SLC24A2: variants seen among roughly 807,000 people sequenced by gnomAD.
SLC24A2 encodes the protein sodium/potassium/calcium exchanger 2.
A neutral mutation model predicts 62.0 loss-of-function variants in SLC24A2; 36 were observed. That is an observed-to-expected ratio of 0.58 (90% CI 0.44 to 0.77). The LOEUF is 0.77. SLC24A2 is among the 30% of genes least tolerant of loss of function. The pLI, the probability that SLC24A2 is intolerant of heterozygous loss-of-function variation, is 0.00. For synonymous variants in SLC24A2, 358 were observed against 294.0 expected, an observed-to-expected ratio of 1.22 and a Z score of -2.23; for missense variants, 846 against 817.9, an observed-to-expected ratio of 1.03 and a Z score of -0.42.
chr9:20,303,775 G>A, the SLC24A2 span, among the ~76,000 whole-genome samples: 2 of 152,250 alleles, frequency 1.3e-5, no homozygotes, highest in African/African-American at 4.8e-5. Context: ...TAGAGACACA[G>A]GCAATGCTTT....
At chr9:19,832,791 G>C in the SLC24A2 span, among the ~76,000 whole-genome samples, 2 of 152,116 alleles carry the variant, frequency 1.3e-5, no homozygotes, top group South Asian at 2.1e-4. Context: ...ACTACCATCA[G>C]AGTGAACAGG....
At chr9:20,011,951 C>T in the SLC24A2 span, among the ~76,000 whole-genome samples, 2 of 152,084 alleles carry the variant, frequency 1.3e-5, no homozygotes, top group Admixed American at 1.3e-4. Flanking sequence ...ATATGATCAC[C>T]TCAATAGATG....
At chr9:19,831,249 G>C in the SLC24A2 span, among the ~76,000 whole-genome samples, 1 of 152,160 alleles carries the variant, frequency 6.6e-6, no homozygotes, top group African/African-American at 2.4e-5. Context: ...CTGGTCACTA[G>C]CTAGATTAAG....
intron 9 of SLC24A2, among the ~76,000 whole-genome samples, chr9:19,523,330 C>G (rs2132644113): frequency 6.6e-6 from 1 of 152,296 alleles, no homozygotes; most frequent in South Asian, 2.1e-4. Context: ...TTCCCTGAGT[C>G]TCAGTCTTTC....
rs556577171 is a variant in SLC24A2, at chr9:19,643,608, G to T, written c.931-21309C>A. ...ACACTGTGTCCAGGATAACAGCCCC[G>T]AACTCTCTTCCATCCTTTGGAGTAG... On this transcript the variant is annotated intron_variant, in intron 2 of 10. Transcript: ENST00000341998. Among the ~76,000 whole-genome samples the T allele has an allele frequency of 8.2e-4, 125 of 152,308 alleles. 1 individual carries two copies. Among genetic ancestry groups the T allele is most frequent in the Non-Finnish European group, 1.6e-3 (111 of 68,030 alleles).
chr9:20,065,004 T>G, the SLC24A2 span, among the ~76,000 whole-genome samples: 22 of 152,260 alleles, frequency 1.4e-4, no homozygotes, highest in African/African-American at 4.8e-4. Context: ...CAAACAACCT[T>G]CATTACTGGC....
the SLC24A2 span, among the ~76,000 whole-genome samples, chr9:20,087,080 C>T: frequency 6.6e-6 from 1 of 152,304 alleles, no homozygotes; most frequent in East Asian, 1.9e-4. Flanking sequence ...ATATCTGGCT[C>T]TTGCCTGAAT....
At chr9:20,200,678 C>T in the SLC24A2 span, among the ~76,000 whole-genome samples, 3 of 152,190 alleles carry the variant, frequency 2.0e-5, no homozygotes, top group African/African-American at 7.2e-5. Flanking sequence ...GGCCTAGAAG[C>T]TTCAGCTTTA....
At chr9:19,664,300 T>C (rs1379266554) in intron 2 of SLC24A2, among the ~76,000 whole-genome samples, 1 of 152,226 alleles carries the variant, frequency 6.6e-6, no homozygotes, top group Non-Finnish European at 1.5e-5. Context: ...TAAGTTTCAT[T>C]GGTGCATTTA....
the SLC24A2 span, among the ~76,000 whole-genome samples, chr9:19,969,211 A>ACACACACACACACC: frequency 6.6e-6 from 1 of 151,132 alleles, no homozygotes; most frequent in African/African-American, 2.4e-5. Context: ...ACACACACAC[A>ACACACACACACACC]CACACACACA....
the SLC24A2 span, among the ~76,000 whole-genome samples, chr9:19,981,734 C>G: frequency 6.6e-6 from 1 of 152,116 alleles, no homozygotes; most frequent in East Asian, 1.9e-4. Flanking sequence ...TGTTCTGGTG[C>G]CCAGGCTGAA....
the SLC24A2 span, among the ~76,000 whole-genome samples, chr9:20,020,945 C>A: frequency 6.6e-6 from 1 of 152,068 alleles, no homozygotes; most frequent in African/African-American, 2.4e-5. Flanking sequence ...TTCTACTGGT[C>A]TTTATGTTTC....
At chr9:20,302,082 C>A in the SLC24A2 span, among the ~76,000 whole-genome samples, 1 of 152,136 alleles carries the variant, frequency 6.6e-6, no homozygotes, top group African/African-American at 2.4e-5. Context: ...TTACTTTTAA[C>A]GCTGAATAAT....
chr9:20,082,727 G>A, the SLC24A2 span, among the ~76,000 whole-genome samples: 3 of 152,214 alleles, frequency 2.0e-5, no homozygotes, highest in Non-Finnish European at 2.9e-5. Context: ...ATTCCCCATG[G>A]TGGGGGAGCA....
At chr9:19,959,129 G>A in the SLC24A2 span, among the ~76,000 whole-genome samples, 6 of 152,138 alleles carry the variant, frequency 3.9e-5, no homozygotes, top group African/African-American at 7.2e-5. Flanking sequence ...TGTGAGTACC[G>A]TAGATTAAGG....
the SLC24A2 span, among the ~76,000 whole-genome samples, chr9:20,230,232 C>A: frequency 2.0e-5 from 3 of 152,116 alleles, no homozygotes. Context: ...GTTTTATAAT[C>A]CTTTGGGTAT....
At chr9:19,997,163 T>C in the SLC24A2 span, among the ~76,000 whole-genome samples, 478 of 152,320 alleles carry the variant, frequency 3.1e-3, 2 homozygotes, top group African/African-American at 0.01. Flanking sequence ...TAGAACTTAG[T>C]CATCACAATT....
In SLC24A2 at chr9:19,597,294, TA is replaced by T; in HGVS notation, c.1079-16del. ...TGATCCAAGTTCTACAACATCACAG[TA>T]AAAGACACAAAGATAAGGAACGAGC... On this transcript the variant is annotated splice_polypyrimidine_tract_variant and intron_variant, in intron 4 of 10. Coordinates refer to ENST00000341998, the MANE Select transcript of SLC24A2 (RefSeq NM_020344.4). 1.3e-6 allele frequency: 2 copies of T among 1,517,486 alleles called. No individual in the cohort carries two copies. Among genetic ancestry groups the T allele is most frequent in the Non-Finnish European group, 1.8e-6 (2 of 1,092,114 alleles). 94.0% of individuals were successfully genotyped at this position (1,517,486 alleles called of 1,614,324 possible).
chr9:19,544,806 G>C (rs1483770599), intron 8 of SLC24A2, among the ~76,000 whole-genome samples: 2 of 152,314 alleles, frequency 1.3e-5, no homozygotes, highest in East Asian at 3.9e-4. Flanking sequence ...CTGTTGGTCT[G>C]ATGGGCTTCC....
Sources: allele counts gnomAD v4.1 joint callset (sites outside exome capture counted in the v4.1 genomes callset), GRCh38; gene constraint gnomAD v4.1.1; transcripts MANE v1.5; gene names NCBI Gene and HGNC (gene_info 2026-07-23, HGNC 2026-07-21).